The following PREX1 variants were observed in gnomAD, a reference collection of about 807,000 sequenced individuals.
The protein encoded by PREX1 is phosphatidylinositol-3,4,5-trisphosphate dependent Rac exchange factor 1, also known as phosphatidylinositol 3,4,5-trisphosphate-dependent Rac exchanger 1 protein.
Under a neutral mutation model 198.3 loss-of-function variants are expected in PREX1, and 41 were observed. That is an observed-to-expected ratio of 0.21 (90% CI 0.16 to 0.27). PREX1 has a LOEUF of 0.27. PREX1 is among the 10% of genes least tolerant of loss of function. The probability of loss-of-function intolerance (pLI) is 1.00; values close to 1 mark genes in which losing one functional copy is unlikely to be tolerated. For missense variants in PREX1, 1,620 were observed against 2,200.7 expected (o/e 0.74, Z 5.28); for synonymous variants, 843 against 887.2 (o/e 0.95, Z 0.89).
At chr20:48,681,131 C>T (rs1009242760) in intron 11 of PREX1, 104 bp downstream of exon 11, 5 of 990,674 alleles carry the variant, frequency 5.0e-6, no homozygotes, top group African/African-American at 1.6e-5. Context: ...AACACGGCGG[C>T]TGCACGAAAG....
At chr20:48,637,650 T>G (rs1027464939) in intron 31 of PREX1, 61 bp downstream of exon 31, 2 of 1,465,976 alleles carry the variant, frequency 1.4e-6, no homozygotes, top group East Asian at 2.4e-5. Context: ...GCATGGATGG[T>G]CGGCCTTGGG....
intron 5 of PREX1, among the ~76,000 whole-genome samples, chr20:48,718,852 TATTTC>T (rs1364345876): frequency 6.6e-6 from 1 of 152,240 alleles, no homozygotes; most frequent in Non-Finnish European, 1.5e-5. Flanking sequence ...ACTAGGGCAC[TATTTC>T]ACAGGAGAAA....
At chr20:48,754,581 C>A (rs959551532) in intron 1 of PREX1, among the ~76,000 whole-genome samples, 6 of 151,766 alleles carry the variant, frequency 4.0e-5, no homozygotes, top group Non-Finnish European at 8.8e-5. Context: ...ACCTGATCTG[C>A]TTGGGGAGGG....
chr20:48,859,634 C>T, the PREX1 span, among the ~76,000 whole-genome samples: 2 of 152,210 alleles, frequency 1.3e-5, no homozygotes, highest in African/African-American at 4.8e-5. Context: ...CTGCTGTAGA[C>T]CACAGAATGG....
chr20:48,741,920 G>A (rs1405742152), intron 3 of PREX1, among the ~76,000 whole-genome samples: 1 of 152,332 alleles, frequency 6.6e-6, no homozygotes, highest in East Asian at 1.9e-4. Flanking sequence ...AGCAAGTTCC[G>A]AGGAATGAAC....
chr20:48,818,191 T>C (rs1430187948), intron 1 of PREX1, among the ~76,000 whole-genome samples: 1 of 152,084 alleles, frequency 6.6e-6, no homozygotes. Context: ...CAAATGCGCT[T>C]GGAGGAAGTG....
At chr20:48,679,486 G>T in intron 12 of PREX1, 77 bp from the exon 13 acceptor site, 1 of 1,500,484 alleles carries the variant, frequency 6.7e-7, no homozygotes, top group East Asian at 2.3e-5. Context: ...TGATGGGAGA[G>T]ATGGCTTCCA....
chr20:48,751,597 T>G (rs956314812), intron 1 of PREX1, among the ~76,000 whole-genome samples: 1 of 152,184 alleles, frequency 6.6e-6, no homozygotes, highest in African/African-American at 2.4e-5. Context: ...TCCCCTGCAC[T>G]GGCAGGATGG....
intron 5 of PREX1, among the ~76,000 whole-genome samples, chr20:48,712,891 C>T (rs2123098198): frequency 6.6e-6 from 1 of 152,292 alleles, no homozygotes; most frequent in Middle Eastern, 3.4e-3. Flanking sequence ...TTTGGGAGGC[C>T]CAGGCAGGCA....
the PREX1 span, among the ~76,000 whole-genome samples, chr20:48,884,759 C>T: frequency 2.0e-5 from 3 of 152,252 alleles, no homozygotes; most frequent in East Asian, 5.8e-4. Context: ...ATTTGCAAAT[C>T]ATATGTGATA....
At chr20:48,753,112 A>G (rs1480784854) in intron 1 of PREX1, among the ~76,000 whole-genome samples, 2 of 152,116 alleles carry the variant, frequency 1.3e-5, no homozygotes, top group East Asian at 3.9e-4. Flanking sequence ...TCCCAGCCTG[A>G]GTGTTTCCAG....
At chr20:48,709,446 G>A (rs2123090030) in intron 5 of PREX1, among the ~76,000 whole-genome samples, 1 of 152,322 alleles carries the variant, frequency 6.6e-6, no homozygotes, top group East Asian at 1.9e-4. Flanking sequence ...CCTTGGGCCA[G>A]TCCCCTCTCT....
the PREX1 span, among the ~76,000 whole-genome samples, chr20:48,866,790 A>G: frequency 2.0e-5 from 3 of 152,234 alleles, no homozygotes; most frequent in South Asian, 6.2e-4. Flanking sequence ...TTAGCCAAGT[A>G]TGGTGGCACT....
chr20:48,644,795 G>A (rs1601038916), intron 26 of PREX1, among the ~76,000 whole-genome samples: 1 of 152,204 alleles, frequency 6.6e-6, no homozygotes, highest in Non-Finnish European at 1.5e-5. Context: ...TGTCCCCAGG[G>A]GACAGCCTTG....
chr20:48,636,383 G>C, intron 32 of PREX1, 80 bp downstream of exon 32: 1 of 1,408,416 alleles, frequency 7.1e-7, no homozygotes, highest in Non-Finnish European at 9.5e-7. Context: ...TGAGTAAGTG[G>C]GCAAGGGCTC....
chr20:48,663,234 C>A (rs987552013), intron 15 of PREX1, among the ~76,000 whole-genome samples: 2 of 152,208 alleles, frequency 1.3e-5, no homozygotes, highest in African/African-American at 2.4e-5. Context: ...GCATATGGGC[C>A]TATTGGGAGT....
rs910261752 is a variant in PREX1, at chr20:48,690,884, C to A, written c.1186+63G>T. On this transcript the variant is annotated intron_variant, in intron 9 of 39. Coordinates refer to ENST00000371941, the MANE Select transcript of PREX1 (RefSeq NM_020820.4). ...ATGCCCCTTCCCTAGACACAGCCCC[C>A]ACTCAGAAGAAGCCACGCATAGCTC... 9.3e-6 allele frequency: 15 copies of A among 1,605,226 alleles called. No individual in the cohort carries two copies. In the South Asian group the frequency reaches 1.4e-4, roughly 15 times the overall value.
chr20:48,626,623 C>T (rs2089274578), intron 39 of PREX1, among the ~76,000 whole-genome samples: 2 of 152,190 alleles, frequency 1.3e-5, no homozygotes, highest in South Asian at 4.1e-4. Flanking sequence ...TTGAAAGGAA[C>T]CACGTGCCAC....
intron 39 of PREX1, among the ~76,000 whole-genome samples, chr20:48,626,721 G>A (rs1173668172): frequency 6.6e-6 from 1 of 152,222 alleles, no homozygotes; most frequent in Non-Finnish European, 1.5e-5. Flanking sequence ...AGGTGTTGCC[G>A]GCGCTCTGTG....
Sources: allele counts gnomAD v4.1 joint callset (sites outside exome capture counted in the v4.1 genomes callset), GRCh38; gene constraint gnomAD v4.1.1; transcripts MANE v1.5; gene names NCBI Gene and HGNC (gene_info 2026-07-23, HGNC 2026-07-21).